The following TXLNA variants were observed in gnomAD, a reference collection of about 807,000 sequenced individuals.
The protein encoded by TXLNA is taxilin alpha, also known as alpha-taxilin.
Under a neutral mutation model 61.4 loss-of-function variants are expected in TXLNA, and 9 were observed. That is an observed-to-expected ratio of 0.15 (90% confidence interval 0.09 to 0.26). The LOEUF is 0.26. TXLNA is among the 10% of genes least tolerant of loss of function. The probability of loss-of-function intolerance (pLI) is 1.00; values close to 1 mark genes in which losing one functional copy is unlikely to be tolerated. For missense variants in TXLNA, 565 were observed against 688.8 expected (o/e 0.82, Z 2.01); for synonymous variants, 257 against 267.7 (o/e 0.96, Z 0.39).
chr1:32,182,266 T>C (rs1295370573), intron 3 of TXLNA, among the ~76,000 whole-genome samples: 1 of 152,054 alleles, frequency 6.6e-6, no homozygotes, highest in African/African-American at 2.4e-5. Flanking sequence ...TCCATGCTGA[T>C]CTCTTGGGCC....
At chr1:32,187,394 A>G (rs1020895727) in intron 4 of TXLNA, among the ~76,000 whole-genome samples, 1 of 152,074 alleles carries the variant, frequency 6.6e-6, no homozygotes, top group Non-Finnish European at 1.5e-5. Flanking sequence ...AGGGGAACTG[A>G]GCTGGGGAAA....
At chr1:32,193,414 A>C in intron 9 of TXLNA, 114 bp downstream of exon 9, 1 of 761,644 alleles carries the variant, frequency 1.3e-6, no homozygotes, top group South Asian at 1.5e-5. Flanking sequence ...CAGGGCTGTT[A>C]GGAAGGTTCA....
intron 3 of TXLNA, among the ~76,000 whole-genome samples, chr1:32,184,291 G>C (rs72875189): frequency 6.6e-6 from 1 of 152,246 alleles, no homozygotes; most frequent in African/African-American, 2.4e-5. Context: ...GGGTACAGTC[G>C]TTCATTTGAT....
Position 32,192,845 on chromosome 1 carries a change from C to A in TXLNA, c.1158+114C>A. On this transcript the variant is annotated intron_variant, in intron 8 of 10. Coordinates refer to ENST00000373610, the MANE Select transcript of TXLNA (RefSeq NM_175852.4). The surrounding 1 kb of genome is among the most constrained non-coding windows in gnomAD (Gnocchi z 4.2). ...ACTGGCTGTGTCCTGGCTGCTATGA[C>A]GCCTTGGTTGAGCCTTTGTTCTCTC... 1.8e-6 allele frequency: 2 copies of A among 1,106,004 alleles called. No individual in the cohort carries two copies. Among genetic ancestry groups the A allele is most frequent in the Non-Finnish European group, 2.7e-6 (2 of 746,988 alleles). The allele number at this position is 1,106,004 out of a possible 1,614,324, so 68.5% of individuals were successfully genotyped here.
chr1:32,193,179 C>T (rs1220214796), intron 8 of TXLNA, 29 bp from the exon 9 acceptor site: 3 of 1,545,150 alleles, frequency 1.9e-6, no homozygotes, highest in Non-Finnish European at 2.7e-6. Flanking sequence ...GAAACCCAGT[C>T]TTATCTGTGG....
intron 3 of TXLNA, among the ~76,000 whole-genome samples, chr1:32,183,058 C>T (rs1194729727): frequency 6.6e-6 from 1 of 151,726 alleles, no homozygotes; most frequent in Non-Finnish European, 1.5e-5. Context: ...CAGGGTGAGA[C>T]TCCATCTCAA....
intron 2 of TXLNA, 71 bp downstream of exon 2, chr1:32,180,585 C>G (rs2273164): frequency 0.088 from 131,706 of 1,494,298 alleles, 8,326 homozygotes; most frequent in South Asian, 0.23. Context: ...TCTGGACTTA[C>G]AGGCCGAGGC....
At chr1:32,186,511 T>C (rs1454408042) in intron 4 of TXLNA, among the ~76,000 whole-genome samples, 2 of 152,208 alleles carry the variant, frequency 1.3e-5, no homozygotes. Flanking sequence ...AGGGTTGTTA[T>C]AGTACTGGTG....
chr1:32,188,101 C>T lies in TXLNA; in HGVS notation c.745C>T (p.Gln249Ter). The change falls in exon 5 of 11, where the codon CAG becomes TAG. Residue 249 changes from glutamine (Q) to a stop codon, truncating the protein, a stop_gained. Coordinates refer to ENST00000373610, the MANE Select transcript of TXLNA (RefSeq NM_175852.4). LOFTEE classifies it high-confidence loss of function. ...SKLESLCREL[Q>*]RHNRSLKEEG... ...GCTTGAGAGCCTATGCCGTGAGCTG[C>T]AGCGGCACAACCGCTCCCTCAAGGT... is the stretch of plus-strand genomic sequence containing the variant. The T allele has an allele frequency of 6.4e-7, 1 of 1,570,920 alleles. No individual in the cohort carries two copies. Among genetic ancestry groups the T allele is most frequent in the Non-Finnish European group, 8.6e-7 (1 of 1,157,038 alleles).
rs1323214039 is a variant in TXLNA at position 32,198,065 on chromosome 1, G to A, written c.*2870G>A. The A allele has an allele frequency of 6.6e-6, 1 of 152,296 alleles. No homozygotes were observed. The highest frequency in any genetic ancestry group is 1.9e-4 in the East Asian group (1 of 5,190). The allele number at this position is 152,296 out of a possible 1,614,324, so 9.4% of individuals were successfully genotyped here. A position where few individuals can be genotyped will look rare whatever the true frequency, so the allele number is the denominator to read the frequency against. Reference sequence around the variant, plus strand: ...TTCCGCCTTGCACAGCACAGAGGTGGTCACCCCAGGGACAGCCAGGCACCT... The same window carrying A: ...TTCCGCCTTGCACAGCACAGAGGTGATCACCCCAGGGACAGCCAGGCACCT... On this transcript the variant is annotated 3_prime_UTR_variant, in exon 11 of 11. Transcript: ENST00000373610.
Position 32,192,575 on chromosome 1 carries a change from G to A in TXLNA, c.1084-82G>A, listed in dbSNP as rs1343443047. ...ACCAGTCTGAGAGCAGGAAGCCTCA[G>A]TGGGTCTGGTGCTTGTGGCTAAAAA... is the stretch of plus-strand genomic sequence containing the variant. On this transcript the variant is annotated intron_variant, in intron 7 of 10. Transcript: ENST00000373610. The surrounding 1 kb of genome is among the most constrained non-coding windows in gnomAD (Gnocchi z 4.2). The A allele has an allele frequency of 1.2e-5, 19 of 1,596,154 alleles. No homozygotes were observed. Among genetic ancestry groups the A allele is most frequent in the Non-Finnish European group, 7.7e-6 (9 of 1,165,468 alleles).
At chr1:32,189,857 T>C (rs1459238622) in intron 5 of TXLNA, among the ~76,000 whole-genome samples, 198 bp from the exon 6 acceptor site, 3 of 152,204 alleles carry the variant, frequency 2.0e-5, no homozygotes, top group Admixed American at 2.0e-4. Flanking sequence ...TGCATTTTTC[T>C]AGGGGGAGAA....
chr1:32,181,350 G>C lies in TXLNA; in HGVS notation c.278G>C (p.Gly93Ala). The change falls in exon 3 of 11, where the codon GGG becomes GCG. Residue 93 changes from glycine to alanine, a missense_variant. Coordinates refer to ENST00000373610, the MANE Select transcript of TXLNA (RefSeq NM_175852.4). ...LSTYCVDNNQGGPGEDGAQGE... is the reference protein window; with the variant it reads ...LSTYCVDNNQAGPGEDGAQGE... Reference sequence around the variant, plus strand: ...ACATACTGTGTGGACAATAACCAGGGGGGCCCCGGCGAGGATGGGGCACAG... The same window carrying C: ...ACATACTGTGTGGACAATAACCAGGCGGGCCCCGGCGAGGATGGGGCACAG... The C allele has an allele frequency of 6.2e-7, 1 of 1,614,188 alleles. No homozygotes were observed.
Position 32,195,671 on chromosome 1 carries a change from T to G in TXLNA, c.*476T>G, listed in dbSNP as rs187650639. On this transcript the variant is annotated 3_prime_UTR_variant, in exon 11 of 11. Coordinates refer to ENST00000373610, the MANE Select transcript of TXLNA (RefSeq NM_175852.4). ...TCAGCTCAGGCCCTCCTAGCTGCTC[T>G]GGAGGCTCCTTTGATTCTCTAGACC... The G allele has an allele frequency of 2.4e-5, 11 of 456,322 alleles. No individual in the cohort carries two copies. The East Asian group carries it at 7.6e-4, about 32-fold the overall frequency. The allele number at this position is 456,322 out of a possible 1,614,324, so 28.3% of individuals were successfully genotyped here. A position where few individuals can be genotyped will look rare whatever the true frequency, so the allele number is the denominator to read the frequency against.
chr1:32,187,919 A>G (rs1405620717), intron 4 of TXLNA, 35 bp from the exon 5 acceptor site: 3 of 1,603,022 alleles, frequency 1.9e-6, no homozygotes, highest in South Asian at 2.2e-5. Flanking sequence ...AGGCCCCACA[A>G]GATGCTCACC....
rs1422761335 is a variant in TXLNA at position 32,185,621 on chromosome 1, C to T, written c.597+1005C>T. Among the ~76,000 whole-genome samples the T allele has an allele frequency of 7.1e-5, 10 of 140,744 alleles. No homozygotes were observed. The South Asian group carries it at 1.6e-3, about 22-fold the overall frequency. The allele number at this position is 140,744 out of a possible 152,430, so 92.3% of individuals were successfully genotyped here. A position where few individuals can be genotyped will look rare whatever the true frequency, so the allele number is the denominator to read the frequency against. ...TTCACCGTGTTAGCCAGGATGGTCT[C>T]GATCTCTTGACCTCGTGATCCGCCC... On this transcript the variant is annotated intron_variant, in intron 4 of 10. Transcript: ENST00000373610.
chr1:32,180,237 C>T, intron 1 of TXLNA, 77 bp from the exon 2 acceptor site: 2 of 1,385,600 alleles, frequency 1.4e-6, no homozygotes, highest in Non-Finnish European at 1.9e-6. Flanking sequence ...GCTTTGTGCG[C>T]CTGCTGTGGG....
rs1273734227 is a variant in TXLNA at position 32,197,168 on chromosome 1, A to G, written c.*1973A>G. 1.3e-5 allele frequency: 2 copies of G among 152,334 alleles called. No homozygotes were observed. The highest frequency in any genetic ancestry group is 6.5e-5 in the Admixed American group (1 of 15,278). The allele number at this position is 152,334 out of a possible 1,614,324, so 9.4% of individuals were successfully genotyped here. On this transcript the variant is annotated 3_prime_UTR_variant, in exon 11 of 11. Coordinates refer to ENST00000373610, the MANE Select transcript of TXLNA (RefSeq NM_175852.4). This position sits in a 1 kb window ranked among gnomAD's most constrained non-coding sequence, Gnocchi z 4.6. The stretch of plus-strand genomic sequence containing the variant: ...GGCTAAGCTGGTACAAGAGCTGCCA[A>G]CCTCACAGAGTGTTTGCTAGGCGAG...
intron 3 of TXLNA, among the ~76,000 whole-genome samples, chr1:32,183,048 C>G (rs1642700890): frequency 6.6e-6 from 1 of 151,752 alleles, no homozygotes; most frequent in South Asian, 2.1e-4. Flanking sequence ...GCCTGGGTGA[C>G]AGGGTGAGAC....
Sources: gnomAD v4.1 joint callset for allele counts (sites outside exome capture counted in the v4.1 genomes callset) on GRCh38, gnomAD v4.1.1 for gene constraint, Gnocchi (gnomAD v3.1) non-coding constraint, MANE v1.5 for transcripts, NCBI Gene and HGNC (gene_info 2026-07-23, HGNC 2026-07-21) for gene names.